Variants in SESTD1 observed in about 807,000 individuals in gnomAD.
SESTD1 encodes SEC14 domain and spectrin repeat-containing protein 1.
A neutral mutation model predicts 101.7 loss-of-function variants in SESTD1; 43 were observed. That is an observed-to-expected ratio of 0.42 (90% CI 0.33 to 0.55). The LOEUF (loss-of-function observed/expected upper bound fraction) is 0.55. Ranked by LOEUF, SESTD1 falls within the 20% of genes least tolerant of loss-of-function variation. The probability of loss-of-function intolerance (pLI) is 0.07; values close to 1 mark genes in which losing one functional copy is unlikely to be tolerated. For synonymous variants in SESTD1, 283 were observed against 286.8 expected (o/e 0.99, Z 0.13); for missense variants, 647 against 815.1 (o/e 0.79, Z 2.51).
At chr2:179,170,287 G>A (rs1174014846) in intron 5 of SESTD1, among the ~76,000 whole-genome samples, 2 of 150,208 alleles carry the variant, frequency 1.3e-5, no homozygotes, top group Non-Finnish European at 3.0e-5. Context: ...AGAATGACAA[G>A]GCAAACAATA....
intron 1 of SESTD1, among the ~76,000 whole-genome samples, chr2:179,256,521 T>C (rs567988585): frequency 3.9e-5 from 6 of 152,060 alleles, no homozygotes; most frequent in Non-Finnish European, 5.9e-5. Flanking sequence ...GATAAAACTT[T>C]AACAGATGGG....
chr2:179,226,941 C>T (rs1333204601), intron 1 of SESTD1, among the ~76,000 whole-genome samples: 2 of 152,160 alleles, frequency 1.3e-5, no homozygotes, highest in Non-Finnish European at 2.9e-5. Context: ...AAGGAGAAAA[C>T]AAGCTTAGAT....
At chr2:179,239,998 A>G (rs181016352) in intron 1 of SESTD1, among the ~76,000 whole-genome samples, 21 of 152,352 alleles carry the variant, frequency 1.4e-4, no homozygotes, top group Non-Finnish European at 7.4e-5. Context: ...CTGATGATCC[A>G]GTCAAATACC....
At chr2:179,142,430 AAG>A (rs1027569457) in intron 9 of SESTD1, among the ~76,000 whole-genome samples, 2 of 152,226 alleles carry the variant, frequency 1.3e-5, no homozygotes, top group African/African-American at 4.8e-5. Context: ...GAGGGAAAGA[AAG>A]AGAGGAAAAG....
intron 1 of SESTD1, among the ~76,000 whole-genome samples, chr2:179,251,446 T>C (rs1159922240): frequency 3.9e-5 from 6 of 152,194 alleles, no homozygotes; most frequent in Admixed American, 3.9e-4. Flanking sequence ...TTAGTTACCA[T>C]ATGTGGAATG....
At chr2:179,248,399 C>T (rs921522760) in intron 1 of SESTD1, among the ~76,000 whole-genome samples, 1 of 152,262 alleles carries the variant, frequency 6.6e-6, no homozygotes, top group African/African-American at 2.4e-5. Flanking sequence ...GGAGGAAACA[C>T]TTTCCATTTC....
chr2:179,137,950 T>G (rs984990547), intron 9 of SESTD1, among the ~76,000 whole-genome samples: 3 of 152,204 alleles, frequency 2.0e-5, no homozygotes, highest in African/African-American at 7.2e-5. Flanking sequence ...CAACATATGA[T>G]CAATGTTACT....
chr2:179,121,724 ATAT>A (rs1177701520), intron 13 of SESTD1, 43 bp downstream of exon 13: 1 of 1,478,260 alleles, frequency 6.8e-7, no homozygotes, highest in East Asian at 2.4e-5. Context: ...ATTTTAACTA[ATAT>A]TGTTATTATT....
intron 2 of SESTD1, among the ~76,000 whole-genome samples, chr2:179,190,823 TATC>T (rs1412693463): frequency 6.6e-6 from 1 of 152,096 alleles, no homozygotes; most frequent in Non-Finnish European, 1.5e-5. Flanking sequence ...GACAATGAAA[TATC>T]ATCTCATACT....
At chr2:179,116,405 A>G (rs1426625255) in intron 15 of SESTD1, among the ~76,000 whole-genome samples, 2 of 152,210 alleles carry the variant, frequency 1.3e-5, no homozygotes, top group Non-Finnish European at 2.9e-5. Flanking sequence ...TCTGTGGATG[A>G]ACAGTTGGAT....
intron 1 of SESTD1, among the ~76,000 whole-genome samples, chr2:179,216,905 G>A (rs980905476): frequency 1.3e-4 from 18 of 143,454 alleles, no homozygotes; most frequent in African/African-American, 4.3e-4. Context: ...TTTAATAAAT[G>A]GTGCTGGGAA....
In SESTD1 at chr2:179,104,867, T is replaced by G. The variant is rs375557465; in HGVS notation, c.*5032A>C. On this transcript the variant is annotated 3_prime_UTR_variant, in exon 18 of 18. Transcript: ENST00000428443. ...TTCTGGCTGTCTTTTGATCTCTAAG[T>G]TCTTCATGTTCTAGTACAGGTTCTG... 3 of 152,304 alleles carry G rather than the reference T, an allele frequency of 2.0e-5. No homozygotes were observed. The highest frequency in any genetic ancestry group is 3.9e-4 in the East Asian group (2 of 5,186). The allele number at this position is 152,304 out of a possible 1,614,324, so 9.4% of individuals were successfully genotyped here.
chr2:179,227,688 C>T (rs1370411266), intron 1 of SESTD1, among the ~76,000 whole-genome samples: 1 of 152,010 alleles, frequency 6.6e-6, no homozygotes, highest in Non-Finnish European at 1.5e-5. Flanking sequence ...TAGTACAAAG[C>T]TTAGGTAGGA....
At chr2:179,148,009 T>A (rs1382263274) in intron 7 of SESTD1, among the ~76,000 whole-genome samples, 3 of 152,230 alleles carry the variant, frequency 2.0e-5, no homozygotes, top group Non-Finnish European at 2.9e-5. Flanking sequence ...CAAAATTTCA[T>A]AATTTTACAT....
At position 179,108,055 on chromosome 2, in the gene SESTD1, G is replaced by A. The variant is rs1263389012; in HGVS notation, c.*1844C>T. 6.6e-6 allele frequency: 1 copy of A among 152,156 alleles called. No homozygotes were observed. The highest frequency in any genetic ancestry group is 1.9e-4 in the East Asian group (1 of 5,196). 9.4% of individuals were successfully genotyped at this position (152,156 alleles called of 1,614,324 possible). On this transcript the variant is annotated 3_prime_UTR_variant, in exon 18 of 18. Transcript: ENST00000428443. ...GCACCATTAACCTAAATTGTTCCAG[G>A]AGGAAAAGGTGATAAATATTGTCAA...
chr2:179,199,221 C>G (rs928179369), intron 1 of SESTD1, among the ~76,000 whole-genome samples: 1 of 151,932 alleles, frequency 6.6e-6, no homozygotes, highest in Non-Finnish European at 1.5e-5. Context: ...TGGATAAATT[C>G]CTCGACACAT....
intron 4 of SESTD1, among the ~76,000 whole-genome samples, chr2:179,172,667 A>G (rs2045947195): frequency 6.6e-6 from 1 of 152,210 alleles, no homozygotes; most frequent in African/African-American, 2.4e-5. Context: ...TTTATCAGTC[A>G]TTATACAATG....
At chr2:179,221,283 T>C (rs1197849731) in intron 1 of SESTD1, among the ~76,000 whole-genome samples, 1 of 151,510 alleles carries the variant, frequency 6.6e-6, no homozygotes, top group Non-Finnish European at 1.5e-5. Flanking sequence ...GTGAGATGTA[T>C]GAGTTGCTTT....
At chr2:179,157,208 A>G (rs1379252611) in intron 5 of SESTD1, among the ~76,000 whole-genome samples, 1 of 152,224 alleles carries the variant, frequency 6.6e-6, no homozygotes, top group South Asian at 2.1e-4. Flanking sequence ...AACACTGCTG[A>G]AAGAAATCAC....
Sources: allele counts gnomAD v4.1 joint callset (sites outside exome capture counted in the v4.1 genomes callset), GRCh38; gene constraint gnomAD v4.1.1; transcripts MANE v1.5; gene names NCBI Gene and HGNC (gene_info 2026-07-23, HGNC 2026-07-21).